Variants in TCF20 observed in about 807,000 individuals in gnomAD.
TCF20 encodes the protein SPRE-binding protein.
A neutral mutation model predicts 148.6 loss-of-function variants in TCF20; 3 were observed. The ratio of observed to expected loss-of-function variants is 0.02; its 90% CI spans 0.01 to 0.05. The LOEUF (loss-of-function observed/expected upper bound fraction) is 0.05, where lower values mean the gene tolerates loss of function less well. Ranked by LOEUF, TCF20 falls within the 10% of genes least tolerant of loss-of-function variation. The pLI, the probability that TCF20 is intolerant of heterozygous loss-of-function variation, is 1.00. For missense variants in TCF20, 2,350 were observed against 2,429.3 expected (o/e 0.97, Z 0.69); for synonymous variants, 1,049 against 909.5 (o/e 1.15, Z -2.76).
At chr22:42,175,649 G>A (rs1320786374) in intron 3 of TCF20, among the ~76,000 whole-genome samples, 1 of 152,044 alleles carries the variant, frequency 6.6e-6, no homozygotes, top group African/African-American at 2.4e-5. Context: ...CAACTGGTTA[G>A]CTCTTGAAAG....
chr22:42,272,033 G>A (rs140005547), upstream of TCF20, among the ~76,000 whole-genome samples: 2 of 152,318 alleles, frequency 1.3e-5, no homozygotes, highest in Admixed American at 1.3e-4. Flanking sequence ...GGAAGGCAGT[G>A]ATTTCTCCTG....
At chr22:42,343,304 C>A (rs1017163818) in intron 1 of TCF20, among the ~76,000 whole-genome samples, 15 of 152,166 alleles carry the variant, frequency 9.9e-5, no homozygotes, top group Non-Finnish European at 2.2e-4. Flanking sequence ...GCACAGCAGG[C>A]GCGCGATAAG....
At position 42,169,936 on chromosome 22, in the gene TCF20, G is replaced by A. The variant is rs778917082; in HGVS notation, c.5750-40C>T. 3.1e-6 allele frequency: 5 copies of A among 1,602,520 alleles called. No homozygotes were observed. The African/African-American group carries it at 6.7e-5, about 21-fold the overall frequency. On this transcript the variant is annotated intron_variant, in intron 3 of 5. Coordinates refer to ENST00000677622, the MANE Select transcript of TCF20 (RefSeq NM_001378418.1). ...GGGACAGTCAGATGGAGACTTCACAGCTGGACATAGGTGTGGTCATGCTGG... is the reference window on the plus strand; with the variant it reads ...GGGACAGTCAGATGGAGACTTCACAACTGGACATAGGTGTGGTCATGCTGG...
intron 1 of TCF20, among the ~76,000 whole-genome samples, chr22:42,218,539 CA>C (rs1321515183): frequency 1.3e-5 from 2 of 152,114 alleles, no homozygotes; most frequent in African/African-American, 4.8e-5. Flanking sequence ...CTAAATTGAA[CA>C]AAAACATTAA....
chr22:42,237,470 C>T (rs1036008682), intron 1 of TCF20, among the ~76,000 whole-genome samples: 1 of 152,210 alleles, frequency 6.6e-6, no homozygotes, highest in African/African-American at 2.4e-5. Context: ...CAAAGTCATC[C>T]ATGAGGGCTG....
chr22:42,242,973 A>G (rs1924573186), intron 1 of TCF20, among the ~76,000 whole-genome samples: 1 of 152,096 alleles, frequency 6.6e-6, no homozygotes, highest in African/African-American at 2.4e-5. Context: ...GACTTTAGCT[A>G]TATAATATTC....
upstream of TCF20, among the ~76,000 whole-genome samples, chr22:42,271,284 G>A (rs1269183181): frequency 6.6e-6 from 1 of 152,238 alleles, no homozygotes; most frequent in Non-Finnish European, 1.5e-5. Flanking sequence ...CGCGAGGAGG[G>A]AGGCCCACCT....
At chr22:42,164,023 A>G (rs1935623990) in intron 5 of TCF20, among the ~76,000 whole-genome samples, 1 of 151,976 alleles carries the variant, frequency 6.6e-6, no homozygotes, top group South Asian at 2.1e-4. Context: ...GCAAAAACTC[A>G]TCATCTCAAC....
intron 1 of TCF20, among the ~76,000 whole-genome samples, chr22:42,283,765 C>T (rs1362942794): frequency 1.3e-5 from 2 of 151,758 alleles, no homozygotes; most frequent in African/African-American, 4.8e-5. Flanking sequence ...ACCCGGCGGG[C>T]ACGCCTCGCA....
intron 3 of TCF20, among the ~76,000 whole-genome samples, chr22:42,171,495 G>A (rs1445103418): frequency 5.9e-5 from 9 of 152,122 alleles, no homozygotes; most frequent in East Asian, 3.9e-4. Flanking sequence ...CCTGTCTTTC[G>A]TTGGAGCCCA....
At position 42,212,055 on chromosome 22, in the gene TCF20, T is replaced by G; in HGVS notation, c.3251A>C (p.His1084Pro). 6.2e-7 allele frequency: 1 copy of G among 1,614,170 alleles called. No individual in the cohort carries two copies. Among genetic ancestry groups the G allele is most frequent in the Non-Finnish European group, 8.5e-7 (1 of 1,180,024 alleles). Residue 1084 changes from histidine to proline, a missense_variant, in exon 2 of 6, where the codon CAT (histidine) becomes CCT (proline). This residue lies in a region of TCF20 where 1,641 missense variants were observed against 1,662.6 expected (regional missense o/e 0.99). Transcript: ENST00000677622. Reference protein sequence around the residue: ...DPNAGLNSQLHYKRQMYQQQP... With the variant: ...DPNAGLNSQLPYKRQMYQQQP... ...CTGTTGGTACATCTGTCTCTTATAA[T>G]GCAGCTGAGAATTCAAACCTGCGTT...
chr22:42,223,151 GTAAA>G (rs758266764), intron 1 of TCF20, among the ~76,000 whole-genome samples: 4 of 152,126 alleles, frequency 2.6e-5, no homozygotes, highest in Admixed American at 6.6e-5. Flanking sequence ...ACCTGTCCCA[GTAAA>G]TAAATAAATA....
At position 42,212,132 on chromosome 22, in the gene TCF20, G is replaced by A; in HGVS notation, c.3174C>T (p.Thr1058=). ...LHTPFSPNSE[T]LASAYHANTR... is the part of the protein sequence containing the mutation. ...TATTTGCATGATAAGCAGAGGCCAG[G>A]GTTTCTGAGTTGGGAGAAAAGGGAG... The change falls in exon 2 of 6, where the codon ACC becomes ACT. Residue 1058 remains threonine, a synonymous_variant. Coordinates refer to ENST00000677622, the MANE Select transcript of TCF20 (RefSeq NM_001378418.1). 1 of 1,614,192 alleles carries A rather than the reference G, an allele frequency of 6.2e-7. No individual in the cohort carries two copies. Among genetic ancestry groups the A allele is most frequent in the Middle Eastern group, 1.6e-4 (1 of 6,062 alleles).
Position 42,213,683 on chromosome 22 carries a change from G to A in TCF20, c.1623C>T (p.Ser541=). The A allele has an allele frequency of 6.2e-7, 1 of 1,614,060 alleles. No homozygotes were observed. Among genetic ancestry groups the A allele is most frequent in the Non-Finnish European group, 8.5e-7 (1 of 1,179,954 alleles). ...GERVRQLSGQ[S]TSSDTTYKGG... ...CCTTGTAGGTGGTGTCAGAGCTGGT[G>A]CTCTGGCCACTTAGTTGCCGCACTC... Residue 541 remains serine, a synonymous_variant, in exon 2 of 6, where the codon AGC becomes AGT. Coordinates refer to ENST00000677622, the MANE Select transcript of TCF20 (RefSeq NM_001378418.1).
At chr22:42,294,590 C>A (rs901643806) in intron 1 of TCF20, among the ~76,000 whole-genome samples, 1 of 152,120 alleles carries the variant, frequency 6.6e-6, no homozygotes. Flanking sequence ...CTGGGCCCAG[C>A]GGTCACAAGG....
At chr22:42,182,497 G>C (rs529235934) in intron 2 of TCF20, among the ~76,000 whole-genome samples, 1 of 152,186 alleles carries the variant, frequency 6.6e-6, no homozygotes, top group South Asian at 2.1e-4. Context: ...AGAAGACGTG[G>C]AGCTTAGATC....
intron 1 of TCF20, among the ~76,000 whole-genome samples, chr22:42,265,955 C>G (rs997241407): frequency 6.6e-6 from 1 of 152,018 alleles, no homozygotes; most frequent in Non-Finnish European, 1.5e-5. Context: ...GCAAAACTGA[C>G]CAAGTATGGG....
chr22:42,184,020 C>A (rs911356311), intron 2 of TCF20, among the ~76,000 whole-genome samples: 2 of 152,128 alleles, frequency 1.3e-5, no homozygotes, highest in African/African-American at 4.8e-5. Context: ...CTGCCCACCT[C>A]AGCCTCTCAA....
chr22:42,306,627 A>T (rs762998), intron 1 of TCF20, among the ~76,000 whole-genome samples: 100,507 of 152,110 alleles, frequency 0.66, 33,836 homozygotes, highest in African/African-American at 0.79. Context: ...GCTTCGTCTG[A>T]GCCTGGGGCT....
Sources: allele counts gnomAD v4.1 joint callset (sites outside exome capture counted in the v4.1 genomes callset), GRCh38; gene constraint gnomAD v4.1.1; regional missense constraint gnomAD v4.1.1; transcripts MANE v1.5; gene names NCBI Gene and HGNC (gene_info 2026-07-23, HGNC 2026-07-21).